Variants in CYTH3 observed in about 807,000 individuals in gnomAD.
CYTH3 encodes cytohesin-3.
A neutral mutation model predicts 55.1 loss-of-function variants in CYTH3; 23 were observed. That is an observed-to-expected ratio of 0.42 (90% CI 0.30 to 0.59). The LOEUF (loss-of-function observed/expected upper bound fraction) is 0.59, where lower values mean the gene tolerates loss of function less well. Ranked by LOEUF, CYTH3 falls within the 20% of genes least tolerant of loss-of-function variation. CYTH3 has a pLI of 0.20. For missense variants in CYTH3, 413 were observed against 524.8 expected, an observed-to-expected ratio of 0.79 and a Z score of 2.08; for synonymous variants, 249 against 194.9, an observed-to-expected ratio of 1.28 and a Z score of -2.31.
At chr7:6,201,257 C>T (rs1025231202) in intron 1 of CYTH3, among the ~76,000 whole-genome samples, 10 of 152,310 alleles carry the variant, frequency 6.6e-5, no homozygotes, top group Middle Eastern at 3.4e-3. Flanking sequence ...CACGTGTTAG[C>T]AACAACGGAA....
Position 6,171,448 on chromosome 7 carries a change from G to T in CYTH3, c.450-134C>A. ...GTACAGCTCTGGCAGGGGCTTGGGG[G>T]CGCAGAGACAGAAAGGAGAAGACCC... On this transcript the variant is annotated intron_variant, in intron 6 of 12. Coordinates refer to ENST00000350796, the MANE Select transcript of CYTH3 (RefSeq NM_004227.4). The surrounding 1 kb of genome is among the most constrained non-coding windows in gnomAD (Gnocchi z 6.7). The T allele has an allele frequency of 1.4e-6, 1 of 699,042 alleles. No homozygotes were observed. 43.3% of individuals were successfully genotyped at this position (699,042 alleles called of 1,614,324 possible). A position where few individuals can be genotyped will look rare whatever the true frequency, so the allele number is the denominator to read the frequency against.
At chr7:6,186,010 C>T (rs896590064) in intron 4 of CYTH3, among the ~76,000 whole-genome samples, 9 of 151,716 alleles carry the variant, frequency 5.9e-5, no homozygotes, top group African/African-American at 1.5e-4. Flanking sequence ...TTTGGGAGGC[C>T]GAGGCGGGCG....
intron 4 of CYTH3, among the ~76,000 whole-genome samples, chr7:6,186,228 A>G (rs1174206725): frequency 6.9e-6 from 1 of 144,150 alleles, no homozygotes. Flanking sequence ...TGGGTGACAG[A>G]GCAAGACTCT....
intron 1 of CYTH3, among the ~76,000 whole-genome samples, chr7:6,215,084 TACTTCA>T (rs1784396391): frequency 1.3e-5 from 2 of 152,222 alleles, no homozygotes; most frequent in African/African-American, 4.8e-5. Flanking sequence ...AGAATTCTGT[TACTTCA>T]AGTGTTCTGA....
chr7:6,200,035 G>C (rs930312010), intron 1 of CYTH3, among the ~76,000 whole-genome samples: 3 of 152,044 alleles, frequency 2.0e-5, no homozygotes, highest in African/African-American at 7.3e-5. Flanking sequence ...TAAAATCTAA[G>C]AGCCCATCAA....
intron 4 of CYTH3, among the ~76,000 whole-genome samples, chr7:6,178,910 C>T (rs1262896815): frequency 6.6e-6 from 1 of 152,144 alleles, no homozygotes; most frequent in Admixed American, 6.5e-5. Flanking sequence ...CACAGCCTTG[C>T]AGCCAGTTTC....
intron 1 of CYTH3, among the ~76,000 whole-genome samples, chr7:6,251,967 T>C (rs1164381405): frequency 6.6e-6 from 1 of 152,204 alleles, no homozygotes; most frequent in Non-Finnish European, 1.5e-5. Context: ...AAATCACTAG[T>C]CTTATGATCA....
chr7:6,270,356 G>T (rs1485482315), intron 1 of CYTH3, among the ~76,000 whole-genome samples: 1 of 152,178 alleles, frequency 6.6e-6, no homozygotes, highest in African/African-American at 2.4e-5. Context: ...TTATTTTCCA[G>T]CACCTAACAT....
At position 6,169,506 on chromosome 7, in the gene CYTH3, C is replaced by T. The variant is rs990268860; in HGVS notation, c.823+1029G>A. ...GATTACACACATGAGCCACTGCACC[C>T]GGCTGATAAAATTTTTAAAAAATCA... On this transcript the variant is annotated intron_variant, in intron 9 of 12. Transcript: ENST00000350796. This position sits in a 1 kb window ranked among gnomAD's most constrained non-coding sequence, Gnocchi z 4.1. Among the ~76,000 whole-genome samples, 6 of 152,152 alleles carry T rather than the reference C, an allele frequency of 3.9e-5. No homozygotes were observed. The highest frequency in any genetic ancestry group is 9.7e-5 in the African/African-American group (4 of 41,418).
intron 4 of CYTH3, among the ~76,000 whole-genome samples, chr7:6,179,896 CCACACACAACCACA>C (rs1352288358): frequency 7.6e-6 from 1 of 131,540 alleles, no homozygotes; most frequent in African/African-American, 2.9e-5. Flanking sequence ...CCACACACAC[CCACACACAACCACA>C]CACACACAAA....
rs191853584 is a variant in CYTH3 at position 6,255,277 on chromosome 7, G to A, written c.34+17197C>T. On this transcript the variant is annotated intron_variant, in intron 1 of 12. Transcript: ENST00000350796. ...GGCTCAAATGTTTAAACAAACTTAT[G>A]TAAGCATACAGAAAGTATGAATACA... 2.6e-5 allele frequency among the ~76,000 whole-genome samples: 4 copies of A among 152,284 alleles called. No homozygotes were observed. The East Asian group carries it at 5.8e-4, about 22-fold the overall frequency.
chr7:6,193,356 G>A (rs185500535), intron 1 of CYTH3, among the ~76,000 whole-genome samples: 1 of 144,478 alleles, frequency 6.9e-6, no homozygotes, highest in African/African-American at 2.6e-5. Flanking sequence ...TAGCCTGGGC[G>A]ACAGAGCAAG....
At position 6,179,800 on chromosome 7, in the gene CYTH3, CCACA is replaced by C. The variant is rs367742194; in HGVS notation, c.250-1863_250-1860del. On this transcript the variant is annotated intron_variant, in intron 4 of 12. Coordinates refer to ENST00000350796, the MANE Select transcript of CYTH3 (RefSeq NM_004227.4). ...ACACACCACCTACCACACACACCCA[CCACA>C]CACACCACACACACACCACACACGC... is the stretch of plus-strand genomic sequence containing the variant. Among the ~76,000 whole-genome samples the C allele has an allele frequency of 5.8e-3, 716 of 122,974 alleles. 8 individuals carry two copies. Among genetic ancestry groups the C allele is most frequent in the African/African-American group, 0.022 (675 of 31,326 alleles). 80.7% of individuals were successfully genotyped at this position (122,974 alleles called of 152,430 possible). A position where few individuals can be genotyped will look rare whatever the true frequency, so the allele number is the denominator to read the frequency against.
chr7:6,249,755 A>G (rs2115045897), intron 1 of CYTH3, among the ~76,000 whole-genome samples: 1 of 152,328 alleles, frequency 6.6e-6, no homozygotes, highest in South Asian at 2.1e-4. Context: ...TAAAAATTGG[A>G]TATATTCAAG....
At chr7:6,223,421 G>C (rs990600940) in intron 1 of CYTH3, among the ~76,000 whole-genome samples, 2 of 152,220 alleles carry the variant, frequency 1.3e-5, no homozygotes, top group Non-Finnish European at 1.5e-5. Flanking sequence ...AAGAAAGAGA[G>C]ATCAGATTGT....
intron 1 of CYTH3, among the ~76,000 whole-genome samples, chr7:6,259,758 T>TATATATATATTATATA: frequency 3.7e-5 from 1 of 27,318 alleles, no homozygotes; most frequent in South Asian, 1.1e-3. Context: ...ATATATATAT[T>TATATATATATTATATA]ATATATATAT....
chr7:6,184,838 A>G (rs1411033331), intron 4 of CYTH3, among the ~76,000 whole-genome samples: 2 of 152,196 alleles, frequency 1.3e-5, no homozygotes, highest in African/African-American at 4.8e-5. Flanking sequence ...TGGGCCTCCT[A>G]AAGTGCTGGG....
intron 1 of CYTH3, among the ~76,000 whole-genome samples, chr7:6,225,678 G>A (rs1779231599): frequency 1.4e-5 from 2 of 142,098 alleles, no homozygotes; most frequent in African/African-American, 5.2e-5. Flanking sequence ...TTTTTTTGAA[G>A]AATTTTTTTT....
intron 1 of CYTH3, among the ~76,000 whole-genome samples, chr7:6,212,436 C>G (rs935138112): frequency 2.0e-5 from 3 of 152,138 alleles, no homozygotes; most frequent in African/African-American, 7.2e-5. Context: ...TCTCCCTTTC[C>G]CCATCCCCAG....
Sources: allele counts gnomAD v4.1 joint callset (sites outside exome capture counted in the v4.1 genomes callset), GRCh38; gene constraint gnomAD v4.1.1; non-coding constraint Gnocchi (gnomAD v3.1); transcripts MANE v1.5; gene names NCBI Gene and HGNC (gene_info 2026-07-23, HGNC 2026-07-21).